SORCS3: variants seen among roughly 807,000 people sequenced by gnomAD.
SORCS3 encodes the protein sortilin related VPS10 domain containing receptor 3.
SORCS3 carries 57 observed loss-of-function variants against 146.3 expected under a neutral mutation model. That is an observed-to-expected ratio of 0.39 (90% confidence interval 0.31 to 0.49). The LOEUF (loss-of-function observed/expected upper bound fraction) is 0.49, where lower values mean the gene tolerates loss of function less well. Ranked by LOEUF, SORCS3 falls within the 20% of genes least tolerant of loss-of-function variation. The pLI is 0.92. For missense variants in SORCS3, 1,341 were observed against 1,575.5 expected, an observed-to-expected ratio of 0.85 and a Z score of 2.52; for synonymous variants, 653 against 618.5, an observed-to-expected ratio of 1.06 and a Z score of -0.83.
chr10:104,941,860 G>C (rs1312932980), intron 3 of SORCS3, among the ~76,000 whole-genome samples: 1 of 152,076 alleles, frequency 6.6e-6, no homozygotes, highest in African/African-American at 2.4e-5. Flanking sequence ...AAGAGTCCAG[G>C]CCTTGGAAAC....
chr10:105,027,855 A>G (rs1284282578), intron 4 of SORCS3, among the ~76,000 whole-genome samples: 2 of 152,218 alleles, frequency 1.3e-5, no homozygotes, highest in Non-Finnish European at 2.9e-5. Flanking sequence ...GTGGAGAAAC[A>G]CATGTGGTAG....
chr10:104,871,403 G>A (rs755499321), intron 2 of SORCS3, among the ~76,000 whole-genome samples: 22 of 152,206 alleles, frequency 1.4e-4, no homozygotes, highest in Non-Finnish European at 1.9e-4. Flanking sequence ...CATCAGTGGT[G>A]CAGTGTCCTT....
intron 4 of SORCS3, among the ~76,000 whole-genome samples, chr10:105,036,252 G>C (rs899002685): frequency 1.3e-5 from 2 of 151,990 alleles, no homozygotes; most frequent in Non-Finnish European, 2.9e-5. Flanking sequence ...TTATGGACCT[G>C]CGCCCAACCC....
intron 16 of SORCS3, among the ~76,000 whole-genome samples, chr10:105,210,633 CT>C (rs1219001002): frequency 2.6e-5 from 4 of 152,132 alleles, no homozygotes; most frequent in Admixed American, 2.0e-4. Flanking sequence ...ACAAAAAGAG[CT>C]ACAGTGTAGT....
chr10:105,247,807 G>T (rs911968474), intron 22 of SORCS3, among the ~76,000 whole-genome samples: 2 of 152,172 alleles, frequency 1.3e-5, no homozygotes, highest in Admixed American at 6.5e-5. Context: ...AGGAAGAAGA[G>T]AAGTATAAAA....
At chr10:104,681,468 G>A (rs1486355084) in intron 1 of SORCS3, among the ~76,000 whole-genome samples, 1 of 152,190 alleles carries the variant, frequency 6.6e-6, no homozygotes. Flanking sequence ...GCTTCCAGGG[G>A]CTGTGGGCTG....
chr10:104,650,333 G>A (rs1221529543), intron 1 of SORCS3, among the ~76,000 whole-genome samples: 1 of 152,220 alleles, frequency 6.6e-6, no homozygotes, highest in African/African-American at 2.4e-5. Context: ...AGACAATGCT[G>A]TACCAGGAAT....
At chr10:104,713,848 A>G (rs2016446669) in intron 1 of SORCS3, among the ~76,000 whole-genome samples, 1 of 152,100 alleles carries the variant, frequency 6.6e-6, no homozygotes, top group Non-Finnish European at 1.5e-5. Context: ...TTCTTTCTTC[A>G]GTGATTGGTA....
chr10:105,122,578 T>C (rs1311951204), intron 7 of SORCS3, among the ~76,000 whole-genome samples: 2 of 152,206 alleles, frequency 1.3e-5, no homozygotes, highest in Non-Finnish European at 2.9e-5. Flanking sequence ...ATGCTCCTGA[T>C]ACTGTTCTAA....
At chr10:105,147,551 T>C (rs2056139780) in intron 8 of SORCS3, 66 bp from the exon 9 acceptor site, 1 of 1,389,612 alleles carries the variant, frequency 7.2e-7, no homozygotes, top group Non-Finnish European at 9.8e-7. Context: ...TAGTAATTAC[T>C]TGGCATCCCA....
intron 4 of SORCS3, among the ~76,000 whole-genome samples, chr10:105,004,883 C>G (rs946901285): frequency 6.6e-6 from 1 of 152,090 alleles, no homozygotes; most frequent in African/African-American, 2.4e-5. Flanking sequence ...TTCCCTTCCA[C>G]CATTCATAAT....
At chr10:105,143,944 C>T (rs1198808564) in intron 8 of SORCS3, among the ~76,000 whole-genome samples, 1 of 152,090 alleles carries the variant, frequency 6.6e-6, no homozygotes, top group African/African-American at 2.4e-5. Flanking sequence ...GCCTTTCTCC[C>T]TGCCTCTAGC....
At chr10:105,227,255 GT>G (rs2056738997) in intron 20 of SORCS3, among the ~76,000 whole-genome samples, 2 of 151,592 alleles carry the variant, frequency 1.3e-5, no homozygotes, top group South Asian at 4.2e-4. Flanking sequence ...GTGTTTCTGG[GT>G]TTTTTTGTTT....
Position 104,844,915 on chromosome 10 carries a change from G to A in SORCS3, c.695+2056G>A, listed in dbSNP as rs532747578. On this transcript the variant is annotated intron_variant, in intron 2 of 26. Transcript: ENST00000369701. ...CATTATAGATTCTGGGAGTTAGGATGGGGACATATCTTTTAAGGGAGTTTA... is the reference window on the plus strand; with the variant it reads ...CATTATAGATTCTGGGAGTTAGGATAGGGACATATCTTTTAAGGGAGTTTA... 2.0e-5 allele frequency among the ~76,000 whole-genome samples: 3 copies of A among 152,262 alleles called. No individual in the cohort carries two copies. In the East Asian group the frequency reaches 5.8e-4, roughly 29 times the overall value.
At chr10:104,864,282 C>G (rs905824622) in intron 2 of SORCS3, among the ~76,000 whole-genome samples, 10 of 152,066 alleles carry the variant, frequency 6.6e-5, no homozygotes, top group Admixed American at 6.5e-4. Context: ...GCTGGGAACC[C>G]ATGGGAGTAG....
intron 3 of SORCS3, among the ~76,000 whole-genome samples, chr10:104,935,659 G>A (rs1489502688): frequency 3.3e-5 from 5 of 151,364 alleles, no homozygotes; most frequent in African/African-American, 9.7e-5. Context: ...CACTGATTCT[G>A]CCCGGCAGGT....
chr10:104,923,211 G>A (rs2019105388), intron 3 of SORCS3, among the ~76,000 whole-genome samples: 3 of 152,196 alleles, frequency 2.0e-5, no homozygotes. Context: ...TTTTTCAGAG[G>A]GCTTTGCAGT....
At chr10:105,136,170 T>G in intron 7 of SORCS3, among the ~76,000 whole-genome samples, 1 of 152,196 alleles carries the variant, frequency 6.6e-6, no homozygotes, top group East Asian at 1.9e-4. Flanking sequence ...GACGACATAG[T>G]TTATTTCTTA....
rs74157425 is a variant in SORCS3 at position 105,105,434 on chromosome 10, C to G, written c.1131C>G (p.Ala377=). 1 of 1,613,636 alleles carries G rather than the reference C, an allele frequency of 6.2e-7. No homozygotes were observed. The highest frequency in any genetic ancestry group is 1.1e-5 in the South Asian group (1 of 91,064). ...TCACCTGCAGGATCCAGGAATGTGC[C>G]GAGACAACTAGAAGTGGGCCTTTTG... ...HYLTCRIQEC[A]ETTRSGPFAR... is the part of the protein sequence containing the mutation. Residue 377 remains alanine, a synonymous_variant, in exon 7 of 27, where the codon GCC becomes GCG. Coordinates refer to ENST00000369701, the MANE Select transcript of SORCS3 (RefSeq NM_014978.3).
Sources: gnomAD v4.1 joint callset for allele counts (sites outside exome capture counted in the v4.1 genomes callset) on GRCh38, gnomAD v4.1.1 for gene constraint, MANE v1.5 for transcripts, NCBI Gene and HGNC (gene_info 2026-07-23, HGNC 2026-07-21) for gene names.